SENP2: variants seen among roughly 807,000 people sequenced by gnomAD.
SENP2 encodes the protein SUMO specific peptidase 2, also known as sentrin-specific protease 2.
SENP2 carries 16 observed loss-of-function variants against 86.3 expected under a neutral mutation model. That is an observed-to-expected ratio of 0.19 (90% CI 0.13 to 0.28). The LOEUF is 0.28. Among genes scored for constraint, SENP2 ranks in the 10% least tolerant of loss-of-function variants. The pLI, the probability that SENP2 is intolerant of heterozygous loss-of-function variation, is 1.00. For synonymous variants in SENP2, 222 were observed against 238.7 expected (o/e 0.93, Z 0.64); for missense variants, 552 against 703.0 (o/e 0.79, Z 2.43).
intron 16 of SENP2, among the ~76,000 whole-genome samples, chr3:185,627,174 G>T (rs1398823716): frequency 6.6e-6 from 1 of 151,840 alleles, no homozygotes; most frequent in Non-Finnish European, 1.5e-5. Context: ...CCAGAATCAG[G>T]GTTATTTTAT....
At chr3:185,597,662 T>C (rs1365155816) in intron 2 of SENP2, among the ~76,000 whole-genome samples, 1 of 150,926 alleles carries the variant, frequency 6.6e-6, no homozygotes, top group Non-Finnish European at 1.5e-5. Context: ...GGCCCAGTTT[T>C]TTTTTTTTGA....
chr3:185,630,864 T>G lies in SENP2; in HGVS notation c.*1020T>G, dbSNP rs1005507267. On this transcript the variant is annotated 3_prime_UTR_variant, in exon 17 of 17. Transcript: ENST00000296257. Reference sequence around the variant, plus strand: ...CTCATTAAGACTAACATCTCCCCACTCCATCCCCACTGAAATTTGTGGAAG... The same window carrying G: ...CTCATTAAGACTAACATCTCCCCACGCCATCCCCACTGAAATTTGTGGAAG... 20 of 152,308 alleles carry G rather than the reference T, an allele frequency of 1.3e-4. No individual in the cohort carries two copies. The highest frequency in any genetic ancestry group is 4.6e-4 in the African/African-American group (19 of 41,444). The allele number at this position is 152,308 out of a possible 1,614,324, so 9.4% of individuals were successfully genotyped here.
Position 185,630,353 on chromosome 3 carries a change from G to C in SENP2, c.*509G>C, listed in dbSNP as rs1362322191. The C allele has an allele frequency of 6.6e-6, 1 of 152,634 alleles. No individual in the cohort carries two copies. The highest frequency in any genetic ancestry group is 1.9e-4 in the East Asian group (1 of 5,204). The allele number at this position is 152,634 out of a possible 1,614,324, so 9.5% of individuals were successfully genotyped here. The stretch of plus-strand genomic sequence containing the variant: ...AGAGCAGGAGGGAACTCTCACTGGG[G>C]GCGGAAGGAAGTGGAGCTGGAGCAG... On this transcript the variant is annotated 3_prime_UTR_variant, in exon 17 of 17. Coordinates refer to ENST00000296257, the MANE Select transcript of SENP2 (RefSeq NM_021627.3).
At position 185,629,801 on chromosome 3, in the gene SENP2, G is replaced by A. The variant is rs1712333591; in HGVS notation, c.1727G>A (p.Arg576Gln). ...TFTQHQMPLF[R>Q]KKMVWEILHQ... ...TTGCAGCACCAGATGCCTCTCTTCC[G>A]GAAGAAGATGGTGTGGGAAATCCTT... Residue 576 changes from arginine (R) to glutamine (Q), a missense_variant, in exon 17 of 17, where the codon CGG becomes CAG. Physicochemically the swap from Arg to Gln is conservative, Grantham distance 43 (BLOSUM62 1). Transcript: ENST00000296257. 3 of 1,614,014 alleles carry A rather than the reference G, an allele frequency of 1.9e-6. No individual in the cohort carries two copies. The highest frequency in any genetic ancestry group is 1.3e-5 in the African/African-American group (1 of 74,916).
intron 2 of SENP2, among the ~76,000 whole-genome samples, chr3:185,596,576 A>G (rs1215076383): frequency 1.3e-5 from 2 of 151,638 alleles, no homozygotes; most frequent in East Asian, 1.9e-4. Context: ...AGTAGTGATC[A>G]TGCCACTGCA....
Position 185,632,029 on chromosome 3 carries a change from G to A in SENP2, c.*2185G>A, listed in dbSNP as rs1409668259. The A allele has an allele frequency of 6.6e-6, 1 of 151,540 alleles. No homozygotes were observed. The highest frequency in any genetic ancestry group is 1.5e-5 in the Non-Finnish European group (1 of 67,930). The allele number at this position is 151,540 out of a possible 1,614,324, so 9.4% of individuals were successfully genotyped here. Reference sequence around the variant, plus strand: ...CTGCTTGACCCTGAGTTCCTGAATTGAATGTGGGAGACCACAGGCCATACT... The same window carrying A: ...CTGCTTGACCCTGAGTTCCTGAATTAAATGTGGGAGACCACAGGCCATACT... On this transcript the variant is annotated 3_prime_UTR_variant, in exon 17 of 17. Coordinates refer to ENST00000296257, the MANE Select transcript of SENP2 (RefSeq NM_021627.3).
intron 13 of SENP2, among the ~76,000 whole-genome samples, chr3:185,620,380 T>C (rs1454145109): frequency 6.6e-6 from 1 of 152,118 alleles, no homozygotes. Context: ...TTTTTAGTTC[T>C]TGAGTTGAAC....
At chr3:185,595,442 T>A (rs1287779508) in intron 2 of SENP2, among the ~76,000 whole-genome samples, 1 of 152,176 alleles carries the variant, frequency 6.6e-6, no homozygotes, top group Admixed American at 6.6e-5. Flanking sequence ...GTTTGGTACT[T>A]ATAACTATTA....
chr3:185,618,605 G>A (rs1173870218), intron 12 of SENP2, among the ~76,000 whole-genome samples: 5 of 152,156 alleles, frequency 3.3e-5, no homozygotes, highest in African/African-American at 9.6e-5. Flanking sequence ...TCGGCCGGGC[G>A]CGGTGGCTCA....
At chr3:185,612,226 G>GTGAA (rs1194565039) in intron 8 of SENP2, 2 of 172,900 alleles carry the variant, frequency 1.2e-5, no homozygotes, top group Admixed American at 1.1e-4. Flanking sequence ...CTGTTTCAGG[G>GTGAA]TGAAGTAGAT....
In SENP2 at chr3:185,626,369, G is replaced by T. The variant is rs1712144756; in HGVS notation, c.1683G>T (p.Arg561Ser). The change falls in exon 16 of 17, where the codon AGG becomes AGT. Residue 561 changes from arginine (R) to serine (S), a missense_variant. This residue lies in a region of SENP2 where 169 missense variants were observed against 275.7 expected (regional missense o/e 0.61). Coordinates refer to ENST00000296257, the MANE Select transcript of SENP2 (RefSeq NM_021627.3). ...GTAAATATGCAGATTATATTTCTAG[G>T]GACAAACCTATCACATTTACTCAGG... ...FTCKYADYIS[R>S]DKPITFTQHQ... 1 of 1,610,240 alleles carries T rather than the reference G, an allele frequency of 6.2e-7. No homozygotes were observed. The highest frequency in any genetic ancestry group is 8.5e-7 in the Non-Finnish European group (1 of 1,176,872).
intron 3 of SENP2, among the ~76,000 whole-genome samples, 192 bp downstream of exon 3, chr3:185,598,737 G>C (rs1199459788): frequency 6.6e-6 from 1 of 152,136 alleles, no homozygotes; most frequent in Non-Finnish European, 1.5e-5. Context: ...TGTTTACAAA[G>C]AGCTAAATAT....
At position 185,631,183 on chromosome 3, in the gene SENP2, C is replaced by G. The variant is rs1360138294; in HGVS notation, c.*1339C>G. 4 of 152,110 alleles carry G rather than the reference C, an allele frequency of 2.6e-5. No homozygotes were observed. Among genetic ancestry groups the G allele is most frequent in the Non-Finnish European group, 2.9e-5 (2 of 68,014 alleles). 9.4% of individuals were successfully genotyped at this position (152,110 alleles called of 1,614,324 possible). A position where few individuals can be genotyped will look rare whatever the true frequency, so the allele number is the denominator to read the frequency against. ...TGGTTCATAAAAGCAAGAGGTAAAACTGGAAAAATTGTGCACGTGTTACCT... is the reference window on the plus strand; with the variant it reads ...TGGTTCATAAAAGCAAGAGGTAAAAGTGGAAAAATTGTGCACGTGTTACCT... On this transcript the variant is annotated 3_prime_UTR_variant, in exon 17 of 17. Transcript: ENST00000296257.
At chr3:185,620,215 A>G (rs929714937) in intron 13 of SENP2, among the ~76,000 whole-genome samples, 9 of 151,746 alleles carry the variant, frequency 5.9e-5, no homozygotes, top group Non-Finnish European at 1.0e-4. Flanking sequence ...GACATGCACC[A>G]CTATGCCTGG....
chr3:185,595,294 G>A (rs1329310582), intron 2 of SENP2, among the ~76,000 whole-genome samples: 1 of 152,158 alleles, frequency 6.6e-6, no homozygotes, highest in African/African-American at 2.4e-5. Flanking sequence ...GACAGACTGT[G>A]GGTTAAGCAT....
At chr3:185,601,100 T>C (rs2148984635) in intron 5 of SENP2, among the ~76,000 whole-genome samples, 1 of 150,750 alleles carries the variant, frequency 6.6e-6, no homozygotes, top group East Asian at 1.9e-4. Context: ...CTGGAGTGCA[T>C]TGGTGCGATC....
intron 16 of SENP2, among the ~76,000 whole-genome samples, chr3:185,629,134 A>C (rs1251971746): frequency 6.6e-6 from 1 of 152,224 alleles, no homozygotes; most frequent in Non-Finnish European, 1.5e-5. Context: ...AAAAAAACAG[A>C]ATATGTTCAT....
intron 1 of SENP2, among the ~76,000 whole-genome samples, chr3:185,588,653 C>T (rs919590235): frequency 1.3e-5 from 2 of 152,144 alleles, no homozygotes; most frequent in African/African-American, 4.8e-5. Context: ...TCCAGAGATA[C>T]ATGGTTTTGC....
In SENP2 at chr3:185,586,445, C is replaced by T. The variant is rs773034804; in HGVS notation, c.32C>T (p.Thr11Ile). ...AGATGGCTGGTTAGGATTCTCGGCA[C>T]CATTTTCCGTTTCTGCGACCGGTCG... is the stretch of plus-strand genomic sequence containing the variant. MYRWLVRILGTIFRFCDRSVP... is the reference protein window; with the variant it reads MYRWLVRILGIIFRFCDRSVP... Residue 11 changes from threonine (T) to isoleucine (I), a missense_variant, in exon 1 of 17, where the codon ACC becomes ATC. By Grantham distance (89) the Thr-to-Ile change is moderately conservative. This residue lies in a region of SENP2 where 383 missense variants were observed against 427.3 expected (regional missense o/e 0.90). Coordinates refer to ENST00000296257, the MANE Select transcript of SENP2 (RefSeq NM_021627.3). The surrounding 1 kb of genome is among the most constrained non-coding windows in gnomAD (Gnocchi z 4.3). 194 of 1,613,964 alleles carry T rather than the reference C, an allele frequency of 1.2e-4. No individual in the cohort carries two copies. The highest frequency in any genetic ancestry group is 1.6e-4 in the Non-Finnish European group (190 of 1,180,018).
Sources: gnomAD v4.1 joint callset for allele counts (sites outside exome capture counted in the v4.1 genomes callset) on GRCh38, gnomAD v4.1.1 for gene constraint, gnomAD v4.1.1 regional missense constraint, Gnocchi (gnomAD v3.1) non-coding constraint, MANE v1.5 for transcripts, NCBI Gene and HGNC (gene_info 2026-07-23, HGNC 2026-07-21) for gene names.